The following ST8SIA5 variants were observed in gnomAD, a reference collection of about 807,000 sequenced individuals.
The protein encoded by ST8SIA5 is alpha-2,8-sialyltransferase 8E.
In ST8SIA5, 24 loss-of-function variants were observed where a neutral mutation model predicts 40.2. The ratio of observed to expected loss-of-function variants is 0.60; its 90% confidence interval spans 0.43 to 0.84. ST8SIA5 has a LOEUF of 0.84. ST8SIA5 is among the 40% of genes least tolerant of loss of function. The pLI, the probability that ST8SIA5 is intolerant of heterozygous loss-of-function variation, is 0.00. For synonymous variants in ST8SIA5, 198 were observed against 201.8 expected (o/e 0.98, Z 0.16); for missense variants, 465 against 498.5 (o/e 0.93, Z 0.64).
At chr18:46,692,357 G>C (rs2039514597) in intron 2 of ST8SIA5, 102 bp from the exon 3 acceptor site, 1 of 1,009,152 alleles carries the variant, frequency 9.9e-7, no homozygotes, top group East Asian at 2.4e-5. Context: ...GCCAAGTCCA[G>C]TCCTGGGGCT....
At chr18:46,744,267 G>A (rs1222446512) in intron 1 of ST8SIA5, among the ~76,000 whole-genome samples, 1 of 152,102 alleles carries the variant, frequency 6.6e-6, no homozygotes, top group Admixed American at 6.6e-5. Context: ...GATATAGACT[G>A]GCAATTTGGA....
At chr18:46,715,215 C>T (rs1278256434) in intron 1 of ST8SIA5, among the ~76,000 whole-genome samples, 3 of 152,222 alleles carry the variant, frequency 2.0e-5, no homozygotes, top group Non-Finnish European at 4.4e-5. Flanking sequence ...GAACATTGAC[C>T]CGGAAGGCTG....
At chr18:46,699,972 T>A (rs750843645) in intron 2 of ST8SIA5, among the ~76,000 whole-genome samples, 1 of 152,174 alleles carries the variant, frequency 6.6e-6, no homozygotes, top group Non-Finnish European at 1.5e-5. Flanking sequence ...GAGCTCCCAG[T>A]GGCAGAAAAA....
At chr18:46,733,547 A>C (rs2040004766) in intron 1 of ST8SIA5, among the ~76,000 whole-genome samples, 1 of 151,440 alleles carries the variant, frequency 6.6e-6, no homozygotes, top group South Asian at 2.1e-4. Flanking sequence ...CAATAAACTA[A>C]CAGGCGACAA....
chr18:46,706,843 G>A (rs1031090449), intron 1 of ST8SIA5, among the ~76,000 whole-genome samples: 1 of 152,132 alleles, frequency 6.6e-6, no homozygotes, highest in African/African-American at 2.4e-5. Context: ...CTTGGAAACT[G>A]CAGTAGTGGT....
At chr18:46,720,921 C>T (rs1290388134) in intron 1 of ST8SIA5, among the ~76,000 whole-genome samples, 2 of 152,180 alleles carry the variant, frequency 1.3e-5, no homozygotes, top group African/African-American at 2.4e-5. Context: ...GGCAACCTCC[C>T]CTGTGGGCAG....
In ST8SIA5 at chr18:46,707,413, C is replaced by T. The variant is rs2144504673; in HGVS notation, c.132-2749G>A. Among the ~76,000 whole-genome samples, 2 of 152,286 alleles carry T rather than the reference C, an allele frequency of 1.3e-5. 1 individual carries two copies. Among genetic ancestry groups the T allele is most frequent in the South Asian group, 4.1e-4 (2 of 4,826 alleles). On this transcript the variant is annotated intron_variant, in intron 1 of 6. Coordinates refer to ENST00000315087, the MANE Select transcript of ST8SIA5 (RefSeq NM_013305.6). ...TCCTCTTTAAAACAATCTGTTTGAA[C>T]TAGGGTAGTACCTCCTCTTCAATCA...
At chr18:46,727,456 G>C (rs543408451) in intron 1 of ST8SIA5, among the ~76,000 whole-genome samples, 19 of 152,160 alleles carry the variant, frequency 1.2e-4, no homozygotes, top group Non-Finnish European at 1.9e-4. Context: ...GGAATTTCAG[G>C]ACAGAAGGCA....
At chr18:46,733,090 G>C (rs557274020) in intron 1 of ST8SIA5, among the ~76,000 whole-genome samples, 1 of 152,126 alleles carries the variant, frequency 6.6e-6, no homozygotes, top group Admixed American at 6.5e-5. Context: ...GGGGGTCCAC[G>C]GCACTGTTCT....
Position 46,746,137 on chromosome 18 carries a change from T to C in ST8SIA5, c.131+10241A>G, listed in dbSNP as rs370964384. Reference sequence around the variant, plus strand: ...ACTGAATGGGCAAAAACTGGGAGCATTCCCTTTGAAAACTCACACAAGAAA... The same window carrying C: ...ACTGAATGGGCAAAAACTGGGAGCACTCCCTTTGAAAACTCACACAAGAAA... On this transcript the variant is annotated intron_variant, in intron 1 of 6. Coordinates refer to ENST00000315087, the MANE Select transcript of ST8SIA5 (RefSeq NM_013305.6). Among the ~76,000 whole-genome samples, 5 of 152,286 alleles carry C rather than the reference T, an allele frequency of 3.3e-5. No individual in the cohort carries two copies. In the South Asian group the frequency reaches 1.0e-3, roughly 32 times the overall value.
intron 1 of ST8SIA5, among the ~76,000 whole-genome samples, chr18:46,707,238 G>A (rs1204027852): frequency 6.6e-6 from 1 of 152,124 alleles, no homozygotes; most frequent in Non-Finnish European, 1.5e-5. Flanking sequence ...CTAAGAAAAG[G>A]TCCAGATTCA....
chr18:46,686,395 G>A (rs971524895), intron 4 of ST8SIA5, 109 bp from the exon 5 acceptor site: 2 of 849,628 alleles, frequency 2.4e-6, no homozygotes, highest in Non-Finnish European at 3.9e-6. Flanking sequence ...GTCCCAAGAG[G>A]CAGCCTTGTG....
intron 1 of ST8SIA5, among the ~76,000 whole-genome samples, chr18:46,708,000 C>G (rs981342678): frequency 1.3e-5 from 2 of 152,214 alleles, no homozygotes; most frequent in Admixed American, 1.3e-4. Context: ...CACTTTTCTG[C>G]TCCTTTGTTT....
intron 1 of ST8SIA5, among the ~76,000 whole-genome samples, chr18:46,732,963 C>T (rs558462163): frequency 6.6e-6 from 1 of 152,260 alleles, no homozygotes; most frequent in East Asian, 1.9e-4. Flanking sequence ...ATCGCTCTGT[C>T]CACATCCCTC....
intron 1 of ST8SIA5, among the ~76,000 whole-genome samples, chr18:46,745,478 A>G (rs945892486): frequency 2.0e-5 from 3 of 152,234 alleles, no homozygotes; most frequent in African/African-American, 7.2e-5. Flanking sequence ...AGAAATGAAT[A>G]AATTCCTGGA....
At chr18:46,754,724 G>A (rs929714279) in intron 1 of ST8SIA5, among the ~76,000 whole-genome samples, 5 of 152,256 alleles carry the variant, frequency 3.3e-5, no homozygotes, top group African/African-American at 4.8e-5. Context: ...GAGCAAGCAG[G>A]TAGTTTGGTT....
intron 1 of ST8SIA5, among the ~76,000 whole-genome samples, chr18:46,739,940 C>T (rs2040072371): frequency 6.6e-6 from 1 of 152,164 alleles, no homozygotes; most frequent in Non-Finnish European, 1.5e-5. Flanking sequence ...CCAGGGCTGC[C>T]TATGGGGTCC....
intron 6 of ST8SIA5, among the ~76,000 whole-genome samples, chr18:46,681,741 ATTTTC>A (rs998739190): frequency 2.0e-5 from 3 of 152,162 alleles, no homozygotes; most frequent in Non-Finnish European, 4.4e-5. Context: ...AAGTTTTTAT[ATTTTC>A]TTTAACCCAC....
chr18:46,744,682 C>A (rs967964549), intron 1 of ST8SIA5, among the ~76,000 whole-genome samples: 22 of 152,258 alleles, frequency 1.4e-4, no homozygotes, highest in African/African-American at 5.1e-4. Flanking sequence ...CAAGGATATC[C>A]AGGACTTGAA....
Sources: allele counts gnomAD v4.1 joint callset (sites outside exome capture counted in the v4.1 genomes callset), GRCh38; gene constraint gnomAD v4.1.1; transcripts MANE v1.5; gene names NCBI Gene and HGNC (gene_info 2026-07-23, HGNC 2026-07-21).